The following NCL variants were observed in gnomAD, a reference collection of about 807,000 sequenced individuals.
NCL encodes nucleolin multifunctional protein.
In NCL, 4 loss-of-function variants were observed where a neutral mutation model predicts 77.7. The observed-to-expected ratio is 0.05, with a 90% CI of 0.03 to 0.12. The LOEUF is 0.12. Among genes scored for constraint, NCL ranks in the 10% least tolerant of loss-of-function variants. The probability of loss-of-function intolerance (pLI) is 1.00; values close to 1 mark genes in which losing one functional copy is unlikely to be tolerated. For synonymous variants in NCL, 344 were observed against 297.8 expected, an observed-to-expected ratio of 1.16 and a Z score of -1.60; for missense variants, 763 against 860.9, an observed-to-expected ratio of 0.89 and a Z score of 1.42.
rs760867341 is a variant in NCL at position 231,464,374 on chromosome 2, C to A, written c.-21G>T. The A allele has an allele frequency of 3.7e-6, 6 of 1,600,030 alleles. No individual in the cohort carries two copies. The South Asian group carries it at 5.6e-5, about 15-fold the overall frequency. On this transcript the variant is annotated 5_prime_UTR_variant, in exon 1 of 14. Transcript: ENST00000322723. ...ACCATGATGGCGGCGGAGTGTGAAG[C>A]GGACAAGTGGCGCAGATGAGTCCAG...
chr2:231,455,425 C>G lies in NCL; in HGVS notation c.2032G>C (p.Gly678Arg). 6.2e-7 allele frequency: 1 copy of G among 1,614,140 alleles called. No individual in the cohort carries two copies. Among genetic ancestry groups the G allele is most frequent in the Non-Finnish European group, 8.5e-7 (1 of 1,180,014 alleles). Residue 678 changes from glycine (G) to arginine (R), a missense_variant, in exon 13 of 14, where the codon GGC becomes CGC. Physicochemically the swap from Gly to Arg is moderately radical, Grantham distance 125 (BLOSUM62 -2). Transcript: ENST00000322723. The part of the protein sequence containing the change: ...GGRGGRGGFG[G>R]RGRGGFGGRG... ...CCTCCAAAGCCTCCCCGGCCTCTGC[C>G]ACCAAATCCTCCTCGGCCTCCTCTA...
rs112360139 is a variant in NCL, at chr2:231,456,596, C to T, written c.1705+35G>A. Reference sequence around the variant, plus strand: ...AATAAACAAAGCACCGAGAGTGCTACCCCCAACCACAGCACCCTAACCAGG... The same window carrying T: ...AATAAACAAAGCACCGAGAGTGCTATCCCCAACCACAGCACCCTAACCAGG... On this transcript the variant is annotated intron_variant, in intron 11 of 13. Coordinates refer to ENST00000322723, the MANE Select transcript of NCL (RefSeq NM_005381.3). The T allele has an allele frequency of 3.4e-3, 5,451 of 1,613,190 alleles. 136 individuals are homozygous for T. The African/African-American group carries it at 0.057, about 17-fold the overall frequency.
At chr2:231,462,758 C>A (rs1426756139) in intron 2 of NCL, among the ~76,000 whole-genome samples, 2 of 152,110 alleles carry the variant, frequency 1.3e-5, no homozygotes, top group Admixed American at 1.3e-4. Flanking sequence ...TCAGTCTACA[C>A]CAGAGATAAC....
intron 13 of NCL, 43 bp downstream of exon 13, chr2:231,455,358 A>G (rs1390436224): frequency 1.2e-6 from 2 of 1,613,548 alleles, no homozygotes; most frequent in Admixed American, 1.7e-5. Flanking sequence ...ACAGGGTCTG[A>G]AGAGCACATG....
At chr2:231,455,349 CA>C (rs1343074412) in intron 13 of NCL, 51 bp downstream of exon 13, 3 of 1,613,420 alleles carry the variant, frequency 1.9e-6, no homozygotes, top group Non-Finnish European at 2.5e-6. Flanking sequence ...TGACAGGGCA[CA>C]GGGTCTGAAG....
Position 231,461,660 on chromosome 2 carries a change from C to T in NCL, c.493G>A (p.Glu165Lys), listed in dbSNP as rs1234514517. ...GCTGGTTCAATTTCATCTTCATCCT[C>T]ATCCTCGTCCTCGTCATCCTCCTCA... is the stretch of plus-strand genomic sequence containing the variant. ...EDEEDDEDED[E>K]DEDEIEPAAM... The change falls in exon 3 of 14, where the codon GAG becomes AAG. Residue 165 changes from glutamate to lysine, a missense_variant. Glu to Lys is a moderately conservative substitution (Grantham distance 56). Around this residue, in one of 2 missense-constraint regions of NCL, gnomAD observed 590 missense variants for 570.5 expected, o/e 1.03. Coordinates refer to ENST00000322723, the MANE Select transcript of NCL (RefSeq NM_005381.3). 6.2e-6 allele frequency: 10 copies of T among 1,611,324 alleles called. No homozygotes were observed. The highest frequency in any genetic ancestry group is 7.6e-6 in the Non-Finnish European group (9 of 1,177,570).
In NCL at chr2:231,457,498, GTA is replaced by G. The variant is rs2046902614; in HGVS notation, c.1447+143_1447+144del. The G allele has an allele frequency of 3.6e-5, 31 of 862,856 alleles. 1 individual carries two copies. In the South Asian group the frequency reaches 4.7e-4, roughly 13 times the overall value. 53.4% of individuals were successfully genotyped at this position (862,856 alleles called of 1,614,324 possible). ...TTGGAAATTACTATTCCAAATAAGAGTATGACTTGGGGTATCATGTCCTTGAT... is the reference window on the plus strand; with the variant it reads ...TTGGAAATTACTATTCCAAATAAGAGTGACTTGGGGTATCATGTCCTTGAT... On this transcript the variant is annotated intron_variant, in intron 9 of 13. Transcript: ENST00000322723.
rs763956578 is a variant in NCL at position 231,455,510 on chromosome 2, A to G, written c.1947T>C (p.Gly649=). ...CACCACGACCCCCGAAGCCACCTTC[A>G]CCCTTAGGTTTGGCCCAGTCCAAGG... The part of the protein sequence containing the change: ...KVTLDWAKPK[G]EGGFGGRGGG... The change falls in exon 13 of 14, where the codon GGT becomes GGC. Residue 649 remains glycine (G), a synonymous_variant. Transcript: ENST00000322723. 7 of 1,614,170 alleles carry G rather than the reference A, an allele frequency of 4.3e-6. No homozygotes were observed. In the South Asian group the frequency reaches 6.6e-5, roughly 15 times the overall value.
chr2:231,457,585 GAC>G, intron 9 of NCL, 56 bp downstream of exon 9: 3 of 1,448,916 alleles, frequency 2.1e-6, no homozygotes, highest in Admixed American at 2.2e-5. Context: ...GAAATACAAA[GAC>G]ACAAAGGAGT....
At position 231,454,872 on chromosome 2, in the gene NCL, C is replaced by CA. The variant is rs1004274688; in HGVS notation, c.*318dup. 4.5e-3 allele frequency: 702 copies of CA among 154,382 alleles called. 7 individuals are homozygous for CA. Among genetic ancestry groups the CA allele is most frequent in the African/African-American group, 0.017 (666 of 38,418 alleles). 9.6% of individuals were successfully genotyped at this position (154,382 alleles called of 1,614,324 possible). On this transcript the variant is annotated 3_prime_UTR_variant, in exon 14 of 14. Transcript: ENST00000322723. ...AAAAAAAAAAAAAACAAAAACAAAACAAAAAAAAGAAACAACAACAAAACC... is the reference window on the plus strand; with the variant it reads ...AAAAAAAAAAAAAACAAAAACAAAACAAAAAAAAAGAAACAACAACAAAACC...
At position 231,464,463 on chromosome 2, in the gene NCL, A is replaced by G; in HGVS notation, c.-110T>C. On this transcript the variant is annotated 5_prime_UTR_variant, in exon 1 of 14. Transcript: ENST00000322723. Reference sequence around the variant, plus strand: ...AAGATCCCGGAGCACGTACACCCGAAGGCCAGCGAGAGCTCGAGACTGAGG... The same window carrying G: ...AAGATCCCGGAGCACGTACACCCGAGGGCCAGCGAGAGCTCGAGACTGAGG... 3 of 1,436,178 alleles carry G rather than the reference A, an allele frequency of 2.1e-6. No individual in the cohort carries two copies. Among genetic ancestry groups the G allele is most frequent in the South Asian group, 1.2e-5 (1 of 81,916 alleles). 89.0% of individuals were successfully genotyped at this position (1,436,178 alleles called of 1,614,324 possible).
At chr2:231,455,307 CA>C (rs1559539602) in intron 13 of NCL, 40 bp from the exon 14 acceptor site, 1 of 1,613,854 alleles carries the variant, frequency 6.2e-7, no homozygotes, top group East Asian at 2.2e-5. Context: ...AGAATGGGTA[CA>C]AAGCTCCTCC....
chr2:231,455,142 C>T lies in NCL; in HGVS notation c.*49G>A. ...TCATTGATCAGGTAACAGTAAAAAC[C>T]CCAGAGTCCTTTCTTTCAAATGGAA... On this transcript the variant is annotated 3_prime_UTR_variant, in exon 14 of 14. Coordinates refer to ENST00000322723, the MANE Select transcript of NCL (RefSeq NM_005381.3). 6.2e-7 allele frequency: 1 copy of T among 1,605,374 alleles called. No individual in the cohort carries two copies. Among genetic ancestry groups the T allele is most frequent in the Non-Finnish European group, 8.5e-7 (1 of 1,173,082 alleles).
chr2:231,458,874 A>G, intron 7 of NCL, 127 bp downstream of exon 7: 1 of 1,054,748 alleles, frequency 9.5e-7, no homozygotes, highest in Non-Finnish European at 1.3e-6. Context: ...TCCCACATTA[A>G]GAGGAAACCA....
intron 8 of NCL, 23 bp from the exon 9 acceptor site, chr2:231,457,823 C>T: frequency 6.3e-7 from 1 of 1,576,362 alleles, no homozygotes; most frequent in Non-Finnish European, 8.6e-7. Flanking sequence ...GAGAAGAACT[C>T]ATGGTTTTTA....
Position 231,454,765 on chromosome 2 carries a change from C to G in NCL, c.*426G>C. ...GTAACACGTCTGGCACCAGAGTTGA[C>G]TTTTAATTTGTCCTAAAGCCGCTGA... On this transcript the variant is annotated 3_prime_UTR_variant, in exon 14 of 14. Transcript: ENST00000322723. 6.2e-6 allele frequency: 1 copy of G among 160,014 alleles called. No homozygotes were observed. The highest frequency in any genetic ancestry group is 1.4e-5 in the Non-Finnish European group (1 of 73,602). The allele number at this position is 160,014 out of a possible 1,614,324, so 9.9% of individuals were successfully genotyped here. A position where few individuals can be genotyped will look rare whatever the true frequency, so the allele number is the denominator to read the frequency against.
At position 231,454,920 on chromosome 2, in the gene NCL, G is replaced by T; in HGVS notation, c.*271C>A. ...ACCCAAACTATTTGTAGGAAAAAAT[G>T]GTTTTGTACATGGGATGAAACAATA... On this transcript the variant is annotated 3_prime_UTR_variant, in exon 14 of 14. Coordinates refer to ENST00000322723, the MANE Select transcript of NCL (RefSeq NM_005381.3). 4 of 284,688 alleles carry T rather than the reference G, an allele frequency of 1.4e-5. No homozygotes were observed. The highest frequency in any genetic ancestry group is 1.9e-5 in the Non-Finnish European group (3 of 154,110). The allele number at this position is 284,688 out of a possible 1,614,324, so 17.6% of individuals were successfully genotyped here. A position where few individuals can be genotyped will look rare whatever the true frequency, so the allele number is the denominator to read the frequency against.
In NCL at chr2:231,464,390, A is replaced by G. The variant is rs756813343; in HGVS notation, c.-37T>C. 6.3e-7 allele frequency: 1 copy of G among 1,596,454 alleles called. No homozygotes were observed. Among genetic ancestry groups the G allele is most frequent in the South Asian group, 1.1e-5 (1 of 88,580 alleles). On this transcript the variant is annotated 5_prime_UTR_variant, in exon 1 of 14. Transcript: ENST00000322723. ...AGTGTGAAGCGGACAAGTGGCGCAG[A>G]TGAGTCCAGAAGAAGCCAAGCGACG...
chr2:231,457,189 G>C (rs1038014505), intron 9 of NCL, 65 bp from the exon 10 acceptor site: 1 of 1,598,798 alleles, frequency 6.3e-7, no homozygotes, highest in Non-Finnish European at 8.6e-7. Context: ...GGTCACAACA[G>C]TAATATCTTA....
Sources: gnomAD v4.1 joint callset for allele counts (sites outside exome capture counted in the v4.1 genomes callset) on GRCh38, gnomAD v4.1.1 for gene constraint, gnomAD v4.1.1 regional missense constraint, MANE v1.5 for transcripts, NCBI Gene and HGNC (gene_info 2026-07-23, HGNC 2026-07-21) for gene names.